Variants in GNA12 observed in about 807,000 individuals in gnomAD.
The protein encoded by GNA12 is guanine nucleotide-binding protein subunit alpha-12.
Under a neutral mutation model 26.0 loss-of-function variants are expected in GNA12, and 9 were observed. The ratio of observed to expected loss-of-function variants is 0.35; its 90% CI spans 0.21 to 0.60. The LOEUF (loss-of-function observed/expected upper bound fraction) is 0.60, where lower values mean the gene tolerates loss of function less well. Among genes scored for constraint, GNA12 ranks in the 20% least tolerant of loss-of-function variants. GNA12 has a pLI of 0.78. For missense variants in GNA12, 405 were observed against 525.8 expected (o/e 0.77, Z 2.25); for synonymous variants, 264 against 219.6 (o/e 1.20, Z -1.79).
At chr7:2,815,125 A>G in intron 1 of GNA12, 1 of 812,108 alleles carries the variant, frequency 1.2e-6, no homozygotes, top group Non-Finnish European at 1.9e-6. Context: ...GAGGCTTCCA[A>G]GCTCACTGGA....
chr7:2,755,333 G>A (rs1424468736), intron 2 of GNA12, among the ~76,000 whole-genome samples: 1 of 152,234 alleles, frequency 6.6e-6, no homozygotes, highest in Non-Finnish European at 1.5e-5. Context: ...TCAAATCTGT[G>A]TATCAATCAG....
At chr7:2,780,093 T>TATA (rs57390413) in intron 2 of GNA12, among the ~76,000 whole-genome samples, 1 of 130,136 alleles carries the variant, frequency 7.7e-6, no homozygotes, top group African/African-American at 3.0e-5. Context: ...TATATATATA[T>TATA]GCCTGTTTTC....
At chr7:2,810,753 A>G (rs1283571464) in intron 1 of GNA12, among the ~76,000 whole-genome samples, 1 of 152,104 alleles carries the variant, frequency 6.6e-6, no homozygotes, top group Non-Finnish European at 1.5e-5. Context: ...TTAGGTGGGT[A>G]TGAGCATGGT....
intron 1 of GNA12, among the ~76,000 whole-genome samples, chr7:2,805,560 G>GA (rs915624876): frequency 7.2e-4 from 109 of 152,328 alleles, no homozygotes; most frequent in African/African-American, 2.5e-3. Context: ...AGAGATAAGG[G>GA]AGCAGAGGAA....
chr7:2,814,529 C>T lies in GNA12; in HGVS notation c.310-19386G>A, dbSNP rs562074374. ...CAAGACTTTGAGGAAATTTCTTCTG[C>T]ACCCATGAAGTCTTTACTGGGAAGG... On this transcript the variant is annotated intron_variant, in intron 1 of 3. Transcript: ENST00000275364. 3 of 680,162 alleles carry T rather than the reference C, an allele frequency of 4.4e-6. No homozygotes were observed. The African/African-American group carries it at 5.3e-5, about 12-fold the overall frequency. 42.1% of individuals were successfully genotyped at this position (680,162 alleles called of 1,614,324 possible).
At chr7:2,815,025 C>A in intron 1 of GNA12, 1 of 1,512,768 alleles carries the variant, frequency 6.6e-7, no homozygotes, top group East Asian at 2.5e-5. Context: ...TCCACCCAAT[C>A]CAGTCCCCTG....
At chr7:2,733,317 T>C in intron 3 of GNA12, 134 bp downstream of exon 3, 1 of 730,418 alleles carries the variant, frequency 1.4e-6, no homozygotes, top group South Asian at 1.6e-5. Context: ...ATTACAGTAC[T>C]ATTCGTGGTA....
intron 1 of GNA12, among the ~76,000 whole-genome samples, chr7:2,822,384 C>T (rs1030436392): frequency 2.0e-5 from 3 of 152,146 alleles, no homozygotes; most frequent in South Asian, 2.1e-4. Context: ...GGGCCTGAGA[C>T]CTGGCACACT....
At chr7:2,823,902 G>C (rs1793423622) in intron 1 of GNA12, among the ~76,000 whole-genome samples, 1 of 152,024 alleles carries the variant, frequency 6.6e-6, no homozygotes, top group Non-Finnish European at 1.5e-5. Flanking sequence ...ACAGAGATAA[G>C]GGCAATAAAA....
At chr7:2,825,666 C>G (rs1562447153) in intron 1 of GNA12, among the ~76,000 whole-genome samples, 3 of 152,108 alleles carry the variant, frequency 2.0e-5, no homozygotes, top group African/African-American at 4.8e-5. Context: ...GTTTTGTAAA[C>G]AGGAAAGCAG....
At chr7:2,759,446 C>T (rs1392786528) in intron 2 of GNA12, among the ~76,000 whole-genome samples, 1 of 152,142 alleles carries the variant, frequency 6.6e-6, no homozygotes, top group Non-Finnish European at 1.5e-5. Flanking sequence ...GATGGGAAGA[C>T]TGAGACAAAG....
chr7:2,813,528 T>A (rs971337779), intron 1 of GNA12, among the ~76,000 whole-genome samples: 2 of 152,032 alleles, frequency 1.3e-5, no homozygotes, highest in African/African-American at 2.4e-5. Context: ...ATATCTGCTA[T>A]ACCTCCAGAG....
chr7:2,775,980 G>A (rs1792066321), intron 2 of GNA12, among the ~76,000 whole-genome samples: 1 of 152,236 alleles, frequency 6.6e-6, no homozygotes, highest in African/African-American at 2.4e-5. Context: ...GTGGCTATGG[G>A]GCAGCTCCCC....
chr7:2,790,916 G>C (rs951424819), intron 2 of GNA12, among the ~76,000 whole-genome samples: 4 of 151,632 alleles, frequency 2.6e-5, no homozygotes, highest in Middle Eastern at 3.4e-3. Flanking sequence ...CCAGGCTGCA[G>C]TGAGCTATGA....
Position 2,794,916 on chromosome 7 carries a change from C to A in GNA12, c.525+12G>T. On this transcript the variant is annotated intron_variant, in intron 2 of 3. Transcript: ENST00000275364. ...ACTATCAGGTGCCCAGCAAGAAGGC[C>A]TACTCACTCACCAGCTGAAACTCGC... The A allele has an allele frequency of 6.3e-7, 1 of 1,591,642 alleles. No homozygotes were observed. Among genetic ancestry groups the A allele is most frequent in the South Asian group, 1.1e-5 (1 of 90,670 alleles).
chr7:2,835,727 TGAAG>T, intron 1 of GNA12: 1 of 947,278 alleles, frequency 1.1e-6, no homozygotes, highest in Non-Finnish European at 1.7e-6. Context: ...ATCACAGAGC[TGAAG>T]GAAGAAATAG....
At chr7:2,786,360 G>A (rs1792361541) in intron 2 of GNA12, among the ~76,000 whole-genome samples, 1 of 152,106 alleles carries the variant, frequency 6.6e-6, no homozygotes, top group South Asian at 2.1e-4. Flanking sequence ...CGGGCGCCTG[G>A]CGATAAGACT....
chr7:2,753,059 T>G (rs1342970061), intron 2 of GNA12, among the ~76,000 whole-genome samples: 1 of 152,196 alleles, frequency 6.6e-6, no homozygotes, highest in Non-Finnish European at 1.5e-5. Flanking sequence ...GAATCTGATT[T>G]CCATCTCTAG....
intron 1 of GNA12, among the ~76,000 whole-genome samples, chr7:2,804,546 C>G (rs1792897411): frequency 6.6e-6 from 1 of 152,154 alleles, no homozygotes; most frequent in Non-Finnish European, 1.5e-5. Flanking sequence ...GTCAAAAGTC[C>G]AAACAGTAAC....
Sources: gnomAD v4.1 joint callset for allele counts (sites outside exome capture counted in the v4.1 genomes callset) on GRCh38, gnomAD v4.1.1 for gene constraint, MANE v1.5 for transcripts, NCBI Gene and HGNC (gene_info 2026-07-23, HGNC 2026-07-21) for gene names.